Variants in IGSF5 observed in about 807,000 individuals in gnomAD.
The protein encoded by IGSF5 is immunoglobulin superfamily 5 like.
A neutral mutation model predicts 39.4 loss-of-function variants in IGSF5; 41 were observed. The observed-to-expected ratio is 1.04, with a 90% CI of 0.81 to 1.35. The LOEUF is 1.35. IGSF5 is among the 40% of genes most tolerant of loss of function. The probability of loss-of-function intolerance (pLI) is 0.00; values close to 1 mark genes in which losing one functional copy is unlikely to be tolerated. For synonymous variants in IGSF5, 183 were observed against 175.3 expected (o/e 1.04, Z -0.34); for missense variants, 487 against 494.6 (o/e 0.98, Z 0.15).
At chr21:39,768,069 T>A (rs1252626224) in intron 3 of IGSF5, among the ~76,000 whole-genome samples, 2 of 152,206 alleles carry the variant, frequency 1.3e-5, no homozygotes, top group African/African-American at 2.4e-5. Flanking sequence ...CCGCTGACTT[T>A]TTATATATTG....
At position 39,764,494 on chromosome 21, in the gene IGSF5, C is replaced by A. The variant is rs563641517; in HGVS notation, c.101-1041C>A. On this transcript the variant is annotated intron_variant, in intron 2 of 8. Coordinates refer to ENST00000380588, the MANE Select transcript of IGSF5 (RefSeq NM_001080444.2). ...AGCTGGGCTTACAGGGATCCACAAC[C>A]ACGCCTGGCTAATTTTTGTATTTTC... Among the ~76,000 whole-genome samples, 9 of 152,296 alleles carry A rather than the reference C, an allele frequency of 5.9e-5. No individual in the cohort carries two copies. In the South Asian group the frequency reaches 1.9e-3, roughly 32 times the overall value.
intron 5 of IGSF5, among the ~76,000 whole-genome samples, chr21:39,785,190 C>T (rs538602545): frequency 1.1e-4 from 15 of 141,052 alleles, no homozygotes; most frequent in African/African-American, 3.7e-4. Context: ...ATCTCTCCCC[C>T]CTCCCCCAAC....
intron 3 of IGSF5, among the ~76,000 whole-genome samples, chr21:39,767,788 C>T (rs747161332): frequency 3.3e-5 from 5 of 152,174 alleles, no homozygotes; most frequent in Non-Finnish European, 7.3e-5. Context: ...GAGGCAAGCT[C>T]AGGTTCCAGT....
chr21:39,787,439 C>T (rs565714517), intron 5 of IGSF5, among the ~76,000 whole-genome samples: 2 of 151,924 alleles, frequency 1.3e-5, no homozygotes, highest in East Asian at 3.9e-4. Flanking sequence ...GCTTTTGGGA[C>T]AAAAGGTTGG....
At chr21:39,765,037 T>C (rs772241704) in intron 2 of IGSF5, among the ~76,000 whole-genome samples, 1 of 152,154 alleles carries the variant, frequency 6.6e-6, no homozygotes, top group Non-Finnish European at 1.5e-5. Context: ...GTTGCTCCAA[T>C]CCTTGCCATT....
chr21:39,713,801 C>A, the IGSF5 span, among the ~76,000 whole-genome samples: 1 of 152,212 alleles, frequency 6.6e-6, no homozygotes, highest in Non-Finnish European at 1.5e-5. Context: ...AATGTCCCAG[C>A]AAGCCCCAGA....
chr21:39,735,405 CTTCT>C, the IGSF5 span, among the ~76,000 whole-genome samples: 1 of 152,052 alleles, frequency 6.6e-6, no homozygotes, highest in Non-Finnish European at 1.5e-5. Context: ...TTGTTATTTT[CTTCT>C]TTATGTTGAG....
chr21:39,772,917 C>T (rs1025376429), intron 4 of IGSF5, among the ~76,000 whole-genome samples: 1 of 152,026 alleles, frequency 6.6e-6, no homozygotes, highest in African/African-American at 2.4e-5. Context: ...AATATGTAGC[C>T]AATAGATATT....
At chr21:39,726,423 G>T in the IGSF5 span, among the ~76,000 whole-genome samples, 7 of 152,194 alleles carry the variant, frequency 4.6e-5, no homozygotes, top group Admixed American at 3.9e-4. Flanking sequence ...AGACACGCAG[G>T]CCTCTGTCTC....
At chr21:39,741,865 C>T (rs986348433), upstream of IGSF5, among the ~76,000 whole-genome samples, 4 of 152,190 alleles carry the variant, frequency 2.6e-5, no homozygotes, top group Admixed American at 2.6e-4. Flanking sequence ...AGAGGAAAAA[C>T]AGCCTCATTG....
rs375160289 is a variant in IGSF5 at position 39,801,430 on chromosome 21, A to G, written c.*73A>G. 126 of 1,087,568 alleles carry G rather than the reference A, an allele frequency of 1.2e-4. No homozygotes were observed. The East Asian group carries it at 2.0e-3, about 17-fold the overall frequency. 67.4% of individuals were successfully genotyped at this position (1,087,568 alleles called of 1,614,324 possible). On this transcript the variant is annotated 3_prime_UTR_variant, in exon 9 of 9. Transcript: ENST00000380588. Reference sequence around the variant, plus strand: ...CACGGCGATGGCATCCTTCCTTTCCATCCTAAGACTGGCCTGCAGCTTTGC... The same window carrying G: ...CACGGCGATGGCATCCTTCCTTTCCGTCCTAAGACTGGCCTGCAGCTTTGC...
the IGSF5 span, among the ~76,000 whole-genome samples, chr21:39,723,796 A>C: frequency 6.6e-6 from 1 of 152,232 alleles, no homozygotes; most frequent in African/African-American, 2.4e-5. Flanking sequence ...TCAGAAATGA[A>C]TCTTTAAGAA....
At chr21:39,736,018 C>G in the IGSF5 span, among the ~76,000 whole-genome samples, 2 of 150,012 alleles carry the variant, frequency 1.3e-5, no homozygotes, top group African/African-American at 4.8e-5. Flanking sequence ...GGCCTGGCCC[C>G]TCTGTGGGCT....
upstream of IGSF5, among the ~76,000 whole-genome samples, chr21:39,741,998 C>G (rs992534611): frequency 3.9e-5 from 6 of 152,024 alleles, no homozygotes; most frequent in African/African-American, 1.2e-4. Flanking sequence ...CCTTAACAAT[C>G]TTTTGGAGTC....
intron 6 of IGSF5, among the ~76,000 whole-genome samples, chr21:39,788,909 T>C (rs1254406311): frequency 6.6e-6 from 1 of 152,196 alleles, no homozygotes; most frequent in Non-Finnish European, 1.5e-5. Flanking sequence ...CATTTTTAAG[T>C]GCTGAGATTC....
At chr21:39,752,935 C>G (rs963445242) in intron 2 of IGSF5, among the ~76,000 whole-genome samples, 3 of 152,048 alleles carry the variant, frequency 2.0e-5, no homozygotes, top group Admixed American at 6.6e-5. Flanking sequence ...AAATATTTCC[C>G]CCCACTCTGT....
At chr21:39,715,554 C>T in the IGSF5 span, among the ~76,000 whole-genome samples, 1 of 152,178 alleles carries the variant, frequency 6.6e-6, no homozygotes, top group Admixed American at 6.5e-5. Flanking sequence ...TCTTAATAAT[C>T]ATCTCTAGCA....
At position 39,779,156 on chromosome 21, in the gene IGSF5, C is replaced by T. The variant is rs368677603; in HGVS notation, c.785C>T (p.Pro262Leu). The T allele has an allele frequency of 1.2e-6, 2 of 1,613,920 alleles. No homozygotes were observed. Among genetic ancestry groups the T allele is most frequent in the Non-Finnish European group, 1.7e-6 (2 of 1,179,982 alleles). Reference sequence around the variant, plus strand: ...TTACCGAGTTTAGGTTTTTCATTGCCTACTTGGGGCAAAGTTGGACTTGGA... The same window carrying T: ...TTACCGAGTTTAGGTTTTTCATTGCTTACTTGGGGCAAAGTTGGACTTGGA... ...SSLPSLGFSL[P>L]TWGKVGLGLA... The change falls in exon 5 of 9, where the codon CCT (proline) becomes CTT (leucine). Residue 262 changes from proline to leucine, a missense_variant. By Grantham distance (98) the Pro-to-Leu change is moderately conservative (BLOSUM62 -3). Transcript: ENST00000380588.
chr21:39,719,903 C>T, the IGSF5 span, among the ~76,000 whole-genome samples: 14 of 152,320 alleles, frequency 9.2e-5, no homozygotes, highest in East Asian at 9.6e-4. Context: ...CTCATAGTCA[C>T]GAAGCAATCC....
Sources: gnomAD v4.1 joint callset for allele counts (sites outside exome capture counted in the v4.1 genomes callset) on GRCh38, gnomAD v4.1.1 for gene constraint, MANE v1.5 for transcripts, NCBI Gene and HGNC (gene_info 2026-07-23, HGNC 2026-07-21) for gene names.